RORA: variants seen among roughly 807,000 people sequenced by gnomAD.
RORA encodes nuclear receptor ROR-alpha.
A neutral mutation model predicts 69.5 loss-of-function variants in RORA; 7 were observed. The observed-to-expected ratio is 0.10, with a 90% CI of 0.06 to 0.19. RORA has a LOEUF of 0.19. Ranked by LOEUF, RORA falls within the 10% of genes least tolerant of loss-of-function variation. RORA has a pLI of 1.00. For synonymous variants in RORA, 261 were observed against 240.8 expected (o/e 1.08, Z -0.78); for missense variants, 457 against 663.0 (o/e 0.69, Z 3.41).
chr15:61,029,690 G>T (rs940154839), intron 1 of RORA, among the ~76,000 whole-genome samples: 1 of 152,170 alleles, frequency 6.6e-6, no homozygotes, highest in Non-Finnish European at 1.5e-5. Flanking sequence ...TGAGGGTAAA[G>T]AAGGGGAAAG....
chr15:60,858,447 G>C (rs2073403259), intron 1 of RORA, among the ~76,000 whole-genome samples: 1 of 152,120 alleles, frequency 6.6e-6, no homozygotes, highest in Non-Finnish European at 1.5e-5. Flanking sequence ...GGCAACTGAT[G>C]GACTGCAATG....
At chr15:60,855,338 T>C (rs1182931597) in intron 1 of RORA, among the ~76,000 whole-genome samples, 2 of 152,168 alleles carry the variant, frequency 1.3e-5, no homozygotes, top group Non-Finnish European at 2.9e-5. Context: ...ACAGATTGTA[T>C]AGGCGCCTGC....
intron 1 of RORA, among the ~76,000 whole-genome samples, chr15:61,003,521 G>C (rs953202062): frequency 6.6e-6 from 1 of 152,126 alleles, no homozygotes; most frequent in Admixed American, 6.6e-5. Flanking sequence ...ATTCCAGCTG[G>C]GAGATGCCAA....
At chr15:61,206,139 T>C (rs2079938981) in intron 1 of RORA, among the ~76,000 whole-genome samples, 1 of 148,070 alleles carries the variant, frequency 6.8e-6, no homozygotes, top group Non-Finnish European at 1.5e-5. Context: ...AACTCTAGGA[T>C]AACATTCTTA....
intron 1 of RORA, among the ~76,000 whole-genome samples, chr15:60,908,035 G>A (rs138528809): frequency 3.5e-4 from 53 of 152,294 alleles, no homozygotes; most frequent in African/African-American, 1.3e-3. Context: ...TGCTCGGAAC[G>A]TCCCGCCTCC....
At chr15:60,845,444 C>T (rs1368969821) in intron 1 of RORA, among the ~76,000 whole-genome samples, 2 of 152,072 alleles carry the variant, frequency 1.3e-5, no homozygotes, top group East Asian at 1.9e-4. Flanking sequence ...TTTTCGTTTC[C>T]CCAGGCAATC....
chr15:61,132,658 C>T (rs1010992372), intron 1 of RORA, among the ~76,000 whole-genome samples: 14 of 152,164 alleles, frequency 9.2e-5, no homozygotes, highest in Admixed American at 2.0e-4. Flanking sequence ...AATAGAATTT[C>T]CTTCAGCTTT....
chr15:61,223,314 C>CAA (rs10685041), intron 1 of RORA, among the ~76,000 whole-genome samples: 2,117 of 95,062 alleles, frequency 0.022, 80 homozygotes, highest in African/African-American at 0.055. Flanking sequence ...GACTCTGTCT[C>CAA]AAAAAAAAAA....
intron 1 of RORA, among the ~76,000 whole-genome samples, chr15:60,869,365 G>A (rs550363973): frequency 6.6e-6 from 1 of 152,294 alleles, no homozygotes; most frequent in South Asian, 2.1e-4. Context: ...CAGAGGTTGG[G>A]ACTATAGGTG....
In RORA at chr15:60,876,976, A is replaced by G. The variant is rs549101534; in HGVS notation, c.167-198290T>C. On this transcript the variant is annotated intron_variant, in intron 1 of 10. Transcript: ENST00000335670. The stretch of plus-strand genomic sequence containing the variant: ...CAGACGGTGGAGGGTGGGAAGAGGG[A>G]GAGGATCAGGAAAAATAACTAATGG... 1.0e-3 allele frequency among the ~76,000 whole-genome samples: 159 copies of G among 152,336 alleles called. 1 individual carries two copies. The highest frequency in any genetic ancestry group is 3.7e-3 in the African/African-American group (152 of 41,580).
At chr15:60,932,734 C>T (rs893860562) in intron 1 of RORA, among the ~76,000 whole-genome samples, 2 of 152,164 alleles carry the variant, frequency 1.3e-5, no homozygotes, top group African/African-American at 4.8e-5. Context: ...GAACCAAGCC[C>T]ATGGCCCAGC....
At chr15:60,825,275 T>G (rs966604855) in intron 1 of RORA, among the ~76,000 whole-genome samples, 1 of 152,186 alleles carries the variant, frequency 6.6e-6, no homozygotes, top group African/African-American at 2.4e-5. Flanking sequence ...AGTACTTCTA[T>G]GTTCACACCA....
intron 1 of RORA, among the ~76,000 whole-genome samples, chr15:60,779,547 G>C (rs1454442627): frequency 6.6e-6 from 1 of 152,160 alleles, no homozygotes; most frequent in East Asian, 1.9e-4. Context: ...CCATAGAAGG[G>C]GAAATGCTGT....
chr15:60,986,425 C>T (rs1291546817), intron 1 of RORA, among the ~76,000 whole-genome samples: 1 of 152,160 alleles, frequency 6.6e-6, no homozygotes, highest in Non-Finnish European at 1.5e-5. Flanking sequence ...TACAATTAGC[C>T]CCTTCAGACA....
intron 2 of RORA, among the ~76,000 whole-genome samples, chr15:60,675,833 T>G (rs1170259852): frequency 6.6e-6 from 1 of 152,178 alleles, no homozygotes; most frequent in African/African-American, 2.4e-5. Flanking sequence ...GAGCTGACAC[T>G]CTGGTCTGAT....
chr15:61,100,411 T>G (rs922224172), intron 1 of RORA, among the ~76,000 whole-genome samples: 3 of 152,216 alleles, frequency 2.0e-5, no homozygotes, highest in Admixed American at 2.0e-4. Context: ...TGACCAGCGG[T>G]GCCCGGCCTG....
At chr15:60,520,884 T>C (rs745418641) in intron 3 of RORA, among the ~76,000 whole-genome samples, 4 of 152,234 alleles carry the variant, frequency 2.6e-5, no homozygotes, top group Non-Finnish European at 5.9e-5. Context: ...TTTACAAACA[T>C]GGTGAGCTTG....
chr15:61,054,360 C>T (rs1221608032), intron 1 of RORA, among the ~76,000 whole-genome samples: 2 of 151,600 alleles, frequency 1.3e-5, no homozygotes, highest in Admixed American at 6.6e-5. Context: ...CAGAATTAAT[C>T]TTCATTAGTT....
intron 1 of RORA, among the ~76,000 whole-genome samples, chr15:61,093,214 T>C (rs2078734734): frequency 6.6e-6 from 1 of 152,252 alleles, no homozygotes; most frequent in Admixed American, 6.5e-5. Flanking sequence ...CTTCCATCTT[T>C]AAGAGTTTTC....
Sources: gnomAD v4.1 joint callset for allele counts (sites outside exome capture counted in the v4.1 genomes callset) on GRCh38, gnomAD v4.1.1 for gene constraint, MANE v1.5 for transcripts, NCBI Gene and HGNC (gene_info 2026-07-23, HGNC 2026-07-21) for gene names.